PCNX2: variants seen among roughly 807,000 people sequenced by gnomAD.
PCNX2 encodes the protein pecanex 2.
PCNX2 carries 168 observed loss-of-function variants against 223.8 expected under a neutral mutation model. That is an observed-to-expected ratio of 0.75 (90% CI 0.66 to 0.85). The LOEUF (loss-of-function observed/expected upper bound fraction) is 0.85, where lower values mean the gene tolerates loss of function less well. Among genes scored for constraint, PCNX2 ranks in the 40% least tolerant of loss-of-function variants. The probability of loss-of-function intolerance (pLI) is 0.00; values close to 1 mark genes in which losing one functional copy is unlikely to be tolerated. For synonymous variants in PCNX2, 1,006 were observed against 1,052.6 expected (o/e 0.96, Z 0.86); for missense variants, 2,507 against 2,675.5 (o/e 0.94, Z 1.39).
At chr1:233,147,595 T>A (rs977613769) in intron 19 of PCNX2, among the ~76,000 whole-genome samples, 11 of 151,476 alleles carry the variant, frequency 7.3e-5, no homozygotes, top group African/African-American at 1.2e-4. Flanking sequence ...AAAAAAAAAA[T>A]TTATGTGTAA....
At chr1:233,073,726 C>T (rs1672959127) in intron 23 of PCNX2, among the ~76,000 whole-genome samples, 1 of 152,000 alleles carries the variant, frequency 6.6e-6, no homozygotes, top group African/African-American at 2.4e-5. Flanking sequence ...AATCCTCTAA[C>T]CTCAGCCTCT....
chr1:233,277,543 A>ACC (rs1660977775), intron 1 of PCNX2, among the ~76,000 whole-genome samples: 1 of 140,574 alleles, frequency 7.1e-6, no homozygotes, highest in Non-Finnish European at 1.6e-5. Context: ...GATCAGATTA[A>ACC]CATCGGTAAA....
chr1:233,019,102 CT>C (rs1014839200), intron 26 of PCNX2: 12 of 985,036 alleles, frequency 1.2e-5, no homozygotes, highest in Non-Finnish European at 1.4e-5. Context: ...TTTTTTAGGA[CT>C]TTAGCAGGTG....
intron 9 of PCNX2, among the ~76,000 whole-genome samples, chr1:233,229,750 A>G (rs1657950315): frequency 1.3e-5 from 2 of 152,164 alleles, no homozygotes; most frequent in Admixed American, 1.3e-4. Context: ...AACTTATTAA[A>G]GATTCCAGCA....
Position 233,289,290 on chromosome 1 carries a change from A to G in PCNX2, c.153+6036T>C, listed in dbSNP as rs1572210875. On this transcript the variant is annotated intron_variant, in intron 1 of 33. Transcript: ENST00000258229. ...TATGATAGCTTTCTGACCACCACCA[A>G]CCTCAATTTCCTTGGCTGCCATAAT... 3.1e-6 allele frequency: 3 copies of G among 978,996 alleles called. No homozygotes were observed. The East Asian group carries it at 7.1e-5, about 23-fold the overall frequency. 60.6% of individuals were successfully genotyped at this position (978,996 alleles called of 1,614,324 possible).
intron 17 of PCNX2, among the ~76,000 whole-genome samples, chr1:233,174,079 T>C (rs1004522178): frequency 1.3e-4 from 18 of 143,770 alleles, no homozygotes; most frequent in African/African-American, 4.5e-4. Flanking sequence ...ATATAATATA[T>C]AAAATTATAT....
At position 233,289,525 on chromosome 1, in the gene PCNX2, A is replaced by T. The variant is rs1012925629; in HGVS notation, c.153+5801T>A. On this transcript the variant is annotated intron_variant, in intron 1 of 33. Transcript: ENST00000258229. The stretch of plus-strand genomic sequence containing the variant: ...TGCCTTTTAAGCAACTCCATGCTGC[A>T]GGCTCTTCGCCTGAAATACAACTCT... 1.8e-5 allele frequency: 12 copies of T among 678,110 alleles called. No homozygotes were observed. The African/African-American group carries it at 2.1e-4, about 12-fold the overall frequency. The allele number at this position is 678,110 out of a possible 1,614,324, so 42.0% of individuals were successfully genotyped here. A position where few individuals can be genotyped will look rare whatever the true frequency, so the allele number is the denominator to read the frequency against.
At chr1:233,134,468 G>C (rs1402308701) in intron 21 of PCNX2, among the ~76,000 whole-genome samples, 1 of 152,130 alleles carries the variant, frequency 6.6e-6, no homozygotes, top group Non-Finnish European at 1.5e-5. Flanking sequence ...GACAAACTAA[G>C]CGTATTGGAA....
rs541390156 is a variant in PCNX2, at chr1:233,066,435, A to G, written c.4077-9145T>C. On this transcript the variant is annotated intron_variant, in intron 23 of 33. Coordinates refer to ENST00000258229, the MANE Select transcript of PCNX2 (RefSeq NM_014801.4). The stretch of plus-strand genomic sequence containing the variant: ...TGGTTGCTGGCATCTCTGAGTTTTT[A>G]GGTGCCACCATATTCCCCTCATCCA... Among the ~76,000 whole-genome samples, 12 of 152,306 alleles carry G rather than the reference A, an allele frequency of 7.9e-5. No homozygotes were observed. In the South Asian group the frequency reaches 2.5e-3, roughly 32 times the overall value.
At chr1:233,311,891 G>A in the PCNX2 span, among the ~76,000 whole-genome samples, 6 of 152,210 alleles carry the variant, frequency 3.9e-5, no homozygotes, top group Admixed American at 3.9e-4. Context: ...AGGCTGAGGC[G>A]GGCAGATCAC....
chr1:233,088,438 G>C (rs914228208), intron 23 of PCNX2, among the ~76,000 whole-genome samples: 10 of 152,050 alleles, frequency 6.6e-5, no homozygotes, highest in African/African-American at 2.4e-4. Flanking sequence ...GACTTTCAGA[G>C]CTCCAAAAAG....
At position 233,289,646 on chromosome 1, in the gene PCNX2, T is replaced by C. The variant is rs974348137; in HGVS notation, c.153+5680A>G. On this transcript the variant is annotated intron_variant, in intron 1 of 33. Transcript: ENST00000258229. ...TCAGGCATCTCAATGCAAGAATAAA[T>C]AAGGCCCCCAGAAGTGGAAGGACCA... Among the ~76,000 whole-genome samples, 4 of 152,088 alleles carry C rather than the reference T, an allele frequency of 2.6e-5. No individual in the cohort carries two copies. In the East Asian group the frequency reaches 7.7e-4, roughly 29 times the overall value.
chr1:233,070,906 G>A (rs566591664), intron 23 of PCNX2, among the ~76,000 whole-genome samples: 54 of 152,116 alleles, frequency 3.5e-4, no homozygotes, highest in Non-Finnish European at 2.6e-4. Flanking sequence ...GTTTGGTGGC[G>A]GGCGCCTGTA....
intron 17 of PCNX2, among the ~76,000 whole-genome samples, chr1:233,162,877 T>C (rs1678575508): frequency 6.6e-6 from 1 of 152,196 alleles, no homozygotes; most frequent in Non-Finnish European, 1.5e-5. Flanking sequence ...CTAATCATCT[T>C]TGTCTAAAAG....
At chr1:233,319,654 C>T in the PCNX2 span, among the ~76,000 whole-genome samples, 1 of 152,360 alleles carries the variant, frequency 6.6e-6, no homozygotes, top group South Asian at 2.1e-4. Flanking sequence ...TATGCCCTCA[C>T]TTGAACAAGT....
chr1:233,074,868 A>G (rs1673024353), intron 23 of PCNX2, among the ~76,000 whole-genome samples: 1 of 152,122 alleles, frequency 6.6e-6, no homozygotes, highest in South Asian at 2.1e-4. Context: ...AAACCCAATG[A>G]GCTATCACTG....
At chr1:233,233,050 C>T in intron 9 of PCNX2, 2 of 984,674 alleles carry the variant, frequency 2.0e-6, no homozygotes, top group Non-Finnish European at 2.4e-6. Flanking sequence ...TCCTATGCTG[C>T]CCTTGGGTAG....
At chr1:233,215,246 A>C (rs1009258185) in intron 12 of PCNX2, among the ~76,000 whole-genome samples, 2 of 152,242 alleles carry the variant, frequency 1.3e-5, no homozygotes, top group African/African-American at 4.8e-5. Flanking sequence ...GTCAGATTGC[A>C]ACAAGAAATA....
At chr1:233,149,686 AC>A (rs1288229605) in intron 19 of PCNX2, among the ~76,000 whole-genome samples, 1 of 152,206 alleles carries the variant, frequency 6.6e-6, no homozygotes, top group East Asian at 1.9e-4. Flanking sequence ...TTCTCTAGAA[AC>A]AGGATTCACT....
Sources: gnomAD v4.1 joint callset for allele counts (sites outside exome capture counted in the v4.1 genomes callset) on GRCh38, gnomAD v4.1.1 for gene constraint, MANE v1.5 for transcripts, NCBI Gene and HGNC (gene_info 2026-07-23, HGNC 2026-07-21) for gene names.